PLCB1: variants seen among roughly 807,000 people sequenced by gnomAD.
The protein encoded by PLCB1 is phospholipase C beta 1.
Under a neutral mutation model 161.8 loss-of-function variants are expected in PLCB1, and 46 were observed. That is an observed-to-expected ratio of 0.28 (90% confidence interval 0.22 to 0.36). The LOEUF is 0.36. Ranked by LOEUF, PLCB1 falls within the 10% of genes least tolerant of loss-of-function variation. PLCB1 has a pLI of 1.00. For missense variants in PLCB1, 1,016 were observed against 1,472.5 expected (o/e 0.69, Z 5.07); for synonymous variants, 517 against 503.7 (o/e 1.03, Z -0.35).
chr20:8,465,988 G>A (rs1300698393), intron 3 of PLCB1, among the ~76,000 whole-genome samples: 3 of 147,582 alleles, frequency 2.0e-5, no homozygotes, highest in Admixed American at 6.8e-5. Flanking sequence ...ATACCCAAAG[G>A]ACTATAAATC....
At chr20:8,359,267 A>G (rs960091208) in intron 2 of PLCB1, among the ~76,000 whole-genome samples, 3 of 152,158 alleles carry the variant, frequency 2.0e-5, no homozygotes, top group African/African-American at 7.2e-5. Context: ...ATCCTTATTC[A>G]TTTTTAAGTG....
chr20:8,234,252 T>C (rs1568599958), intron 2 of PLCB1, among the ~76,000 whole-genome samples: 1 of 152,106 alleles, frequency 6.6e-6, no homozygotes, highest in Non-Finnish European at 1.5e-5. Flanking sequence ...GGTTTAAAAG[T>C]GTTGAGTTTT....
chr20:8,223,035 C>T (rs2123166794), intron 2 of PLCB1, among the ~76,000 whole-genome samples: 1 of 152,266 alleles, frequency 6.6e-6, no homozygotes, highest in South Asian at 2.1e-4. Flanking sequence ...AACAAGCAAA[C>T]TTCCACTGAT....
chr20:8,581,279 T>C, intron 3 of PLCB1, among the ~76,000 whole-genome samples: 1 of 152,180 alleles, frequency 6.6e-6, no homozygotes, highest in African/African-American at 2.4e-5. Context: ...AATGTTCCAA[T>C]GCTCCCCCGT....
chr20:8,819,028 A>G (rs1985210832), intron 31 of PLCB1, among the ~76,000 whole-genome samples: 1 of 152,214 alleles, frequency 6.6e-6, no homozygotes, highest in South Asian at 2.1e-4. Context: ...GAATTTGACA[A>G]GCTGATTCCA....
intron 2 of PLCB1, among the ~76,000 whole-genome samples, chr20:8,232,643 G>T (rs74385282): frequency 6.6e-6 from 1 of 152,064 alleles, no homozygotes; most frequent in Non-Finnish European, 1.5e-5. Context: ...CCCCCACTTC[G>T]TGCATTCTGA....
At chr20:8,142,291 G>A (rs1006236273) in intron 1 of PLCB1, among the ~76,000 whole-genome samples, 17 of 152,154 alleles carry the variant, frequency 1.1e-4, no homozygotes, top group Admixed American at 3.9e-4. Flanking sequence ...GACCTTTGAG[G>A]TGTTGTGTTA....
At chr20:8,586,385 T>G (rs1285862308) in intron 3 of PLCB1, among the ~76,000 whole-genome samples, 1 of 152,152 alleles carries the variant, frequency 6.6e-6, no homozygotes, top group Non-Finnish European at 1.5e-5. Flanking sequence ...AAGCGTCATC[T>G]TTCTGGATCA....
chr20:8,815,034 A>C (rs1985019978), intron 31 of PLCB1, among the ~76,000 whole-genome samples: 1 of 152,172 alleles, frequency 6.6e-6, no homozygotes, highest in South Asian at 2.1e-4. Flanking sequence ...CCATTATCTA[A>C]AAACCCCAGT....
At chr20:8,356,637 C>G (rs571631662) in intron 2 of PLCB1, among the ~76,000 whole-genome samples, 3 of 152,060 alleles carry the variant, frequency 2.0e-5, no homozygotes, top group African/African-American at 7.2e-5. Flanking sequence ...CATAATCATA[C>G]GGCATAATAG....
chr20:8,440,995 G>T (rs1408847837), intron 3 of PLCB1, among the ~76,000 whole-genome samples: 1 of 152,102 alleles, frequency 6.6e-6, no homozygotes, highest in Non-Finnish European at 1.5e-5. Context: ...CCATTTTACA[G>T]CAGAGGGACT....
intron 3 of PLCB1, among the ~76,000 whole-genome samples, chr20:8,463,161 G>GTGTGTGTGTGTGTGTGTC (rs1981660902): frequency 6.6e-6 from 1 of 151,180 alleles, no homozygotes; most frequent in Non-Finnish European, 1.5e-5. Context: ...GTGTGTGTGT[G>GTGTGTGTGTGTGTGTGTC]TGTGTGTGTG....
intron 3 of PLCB1, among the ~76,000 whole-genome samples, chr20:8,391,368 G>A (rs1346338694): frequency 6.6e-6 from 1 of 152,032 alleles, no homozygotes; most frequent in East Asian, 1.9e-4. Context: ...TTAGAAAACT[G>A]TCTAGATTTG....
chr20:8,299,645 A>T (rs933395742), intron 2 of PLCB1, among the ~76,000 whole-genome samples: 1 of 152,168 alleles, frequency 6.6e-6, no homozygotes, highest in Non-Finnish European at 1.5e-5. Flanking sequence ...CTTAATTTTC[A>T]TATACCTCCA....
chr20:8,804,158 C>G (rs545202410), intron 31 of PLCB1, among the ~76,000 whole-genome samples: 1 of 152,216 alleles, frequency 6.6e-6, no homozygotes, highest in South Asian at 2.1e-4. Flanking sequence ...CTTATTTTCT[C>G]AGGGGATGCA....
At chr20:8,212,854 C>CA (rs569555051) in intron 2 of PLCB1, among the ~76,000 whole-genome samples, 91 of 152,194 alleles carry the variant, frequency 6.0e-4, no homozygotes, top group African/African-American at 2.1e-3. Context: ...AATGCAGAAT[C>CA]AAAGTATGTG....
intron 31 of PLCB1, among the ~76,000 whole-genome samples, chr20:8,854,766 A>G (rs538444178): frequency 4.5e-4 from 69 of 152,352 alleles, no homozygotes; most frequent in African/African-American, 1.6e-3. Context: ...CTGGCGAACG[A>G]CAAACTCGGC....
intron 2 of PLCB1, among the ~76,000 whole-genome samples, chr20:8,268,290 A>G (rs1164203320): frequency 6.6e-6 from 1 of 152,160 alleles, no homozygotes; most frequent in African/African-American, 2.4e-5. Context: ...TACAAAGGAC[A>G]TGAACTCATC....
chr20:8,429,082 A>G (rs1369120120), intron 3 of PLCB1, among the ~76,000 whole-genome samples: 2 of 152,176 alleles, frequency 1.3e-5, no homozygotes, highest in Non-Finnish European at 2.9e-5. Context: ...AGCAATATCT[A>G]TGAATCCCTT....
Sources: gnomAD v4.1 joint callset for allele counts (sites outside exome capture counted in the v4.1 genomes callset) on GRCh38, gnomAD v4.1.1 for gene constraint, MANE v1.5 for transcripts, NCBI Gene and HGNC (gene_info 2026-07-23, HGNC 2026-07-21) for gene names.